The following SS18 variants were observed in gnomAD, a reference collection of about 807,000 sequenced individuals.
SS18 encodes the protein protein SSXT.
SS18 carries 28 observed loss-of-function variants against 72.5 expected under a neutral mutation model. The ratio of observed to expected loss-of-function variants is 0.39; its 90% CI spans 0.29 to 0.53. SS18 has a LOEUF of 0.53. Ranked by LOEUF, SS18 falls within the 20% of genes least tolerant of loss-of-function variation. SS18 has a pLI of 0.76. For synonymous variants in SS18, 172 were observed against 164.2 expected (o/e 1.05, Z -0.37); for missense variants, 518 against 535.3 (o/e 0.97, Z 0.32).
chr18:26,090,462 C>T, intron 1 of SS18, 39 bp downstream of exon 1: 1 of 1,544,542 alleles, frequency 6.5e-7, no homozygotes, highest in Non-Finnish European at 8.8e-7. Flanking sequence ...CTCCCAGAGG[C>T]GGTAAGGGCC....
Position 26,039,300 on chromosome 18 carries a change from G to T in SS18, c.764C>A (p.Pro255His). The change falls in exon 6 of 11, where the codon CCT becomes CAT. Residue 255 changes from proline to histidine, a missense_variant. Coordinates refer to ENST00000415083, the MANE Select transcript of SS18 (RefSeq NM_001007559.3). Reference sequence around the variant, plus strand: ...AAATGGAATCTTACCCTGTTGAGGAGGTCTATAGGGAGGAATCTGTCTCTG... The same window carrying T: ...AAATGGAATCTTACCCTGTTGAGGATGTCTATAGGGAGGAATCTGTCTCTG... ...MGQRQIPPYR[P>H]PQQGPPQQYS... 6.2e-6 allele frequency: 10 copies of T among 1,612,642 alleles called. No individual in the cohort carries two copies. Among genetic ancestry groups the T allele is most frequent in the Non-Finnish European group, 8.5e-6 (10 of 1,179,162 alleles).
intron 5 of SS18, among the ~76,000 whole-genome samples, chr18:26,043,655 T>C (rs2053768740): frequency 6.6e-6 from 1 of 152,142 alleles, no homozygotes; most frequent in African/African-American, 2.4e-5. Context: ...ACATCAAGAA[T>C]TTTTAGTAGT....
At chr18:26,041,178 T>A (rs1403552831) in intron 5 of SS18, among the ~76,000 whole-genome samples, 1 of 152,196 alleles carries the variant, frequency 6.6e-6, no homozygotes, top group African/African-American at 2.4e-5. Context: ...ATCCCAGCAC[T>A]TTGGGAGGCT....
Position 26,037,502 on chromosome 18 carries a change from A to T in SS18, c.880+1053T>A, listed in dbSNP as rs537827440. Among the ~76,000 whole-genome samples the T allele has an allele frequency of 3.4e-4, 52 of 152,276 alleles. No homozygotes were observed. The East Asian group carries it at 9.3e-3, about 27-fold the overall frequency. On this transcript the variant is annotated intron_variant, in intron 7 of 10. Coordinates refer to ENST00000415083, the MANE Select transcript of SS18 (RefSeq NM_001007559.3). ...TCTTAATACCATGTTTACATATGAAAAGAAAAAACAAAACAAAAACCAATG... is the reference window on the plus strand; with the variant it reads ...TCTTAATACCATGTTTACATATGAATAGAAAAAACAAAACAAAAACCAATG...
intron 10 of SS18, among the ~76,000 whole-genome samples, chr18:26,026,083 T>C (rs1254829203): frequency 6.6e-6 from 1 of 152,164 alleles, no homozygotes; most frequent in Non-Finnish European, 1.5e-5. Context: ...TTCACAGCAT[T>C]GTGAAGTCAA....
At chr18:26,087,621 A>T (rs779196769) in intron 1 of SS18, 44 bp from the exon 2 acceptor site, 2 of 1,146,212 alleles carry the variant, frequency 1.7e-6, no homozygotes, top group East Asian at 2.4e-5. Flanking sequence ...CTAGTGCATC[A>T]AGTAAAATAA....
At chr18:26,057,826 A>G (rs2054050833) in intron 3 of SS18, 84 bp from the exon 4 acceptor site, 1 of 1,316,238 alleles carries the variant, frequency 7.6e-7, no homozygotes, top group East Asian at 2.6e-5. Flanking sequence ...TTATGTTACT[A>G]AATTGCAGTA....
intron 7 of SS18, among the ~76,000 whole-genome samples, chr18:26,037,053 G>A (rs1485367715): frequency 4.6e-5 from 7 of 151,828 alleles, no homozygotes; most frequent in South Asian, 4.2e-4. Flanking sequence ...ATAAATATCC[G>A]GACATGAGAG....
At chr18:26,039,706 T>G (rs1026801785) in intron 5 of SS18, among the ~76,000 whole-genome samples, 1 of 152,212 alleles carries the variant, frequency 6.6e-6, no homozygotes, top group African/African-American at 2.4e-5. Context: ...TTAGTCATTT[T>G]TTAAAATAAA....
At chr18:26,058,300 T>A (rs1438136904) in intron 3 of SS18, among the ~76,000 whole-genome samples, 1 of 152,222 alleles carries the variant, frequency 6.6e-6, no homozygotes, top group African/African-American at 2.4e-5. Context: ...CAGAGACAGC[T>A]GCCTCAAAAG....
At chr18:26,032,629 A>G (rs2053563433) in intron 9 of SS18, 97 bp from the exon 10 acceptor site, 3 of 1,363,588 alleles carry the variant, frequency 2.2e-6, no homozygotes, top group Admixed American at 2.4e-5. Context: ...GTATTTTTCT[A>G]TCTAAGCTAA....
chr18:26,036,070 T>C, intron 7 of SS18, 147 bp from the exon 8 acceptor site: 1 of 668,194 alleles, frequency 1.5e-6, no homozygotes, highest in East Asian at 2.8e-5. Flanking sequence ...GCCAAAGATT[T>C]ACCAATGTGA....
chr18:26,028,516 C>T (rs1184026373), intron 10 of SS18, among the ~76,000 whole-genome samples: 2 of 152,190 alleles, frequency 1.3e-5, no homozygotes, highest in Non-Finnish European at 2.9e-5. Context: ...GTTCATAGTA[C>T]TGTGTCTGTA....
At chr18:26,077,144 T>C (rs537886251) in intron 3 of SS18, among the ~76,000 whole-genome samples, 21 of 152,130 alleles carry the variant, frequency 1.4e-4, no homozygotes, top group Non-Finnish European at 2.7e-4. Flanking sequence ...CATTAAGTGA[T>C]AGGTAGACAG....
chr18:26,078,043 T>C (rs375742796), intron 3 of SS18, 33 bp downstream of exon 3: 185 of 1,499,592 alleles, frequency 1.2e-4, no homozygotes, highest in African/African-American at 1.7e-4. Context: ...ACTATAAAGA[T>C]TGTCTACTTC....
chr18:26,089,445 T>C (rs1255639718), intron 1 of SS18, among the ~76,000 whole-genome samples: 1 of 152,220 alleles, frequency 6.6e-6, no homozygotes, highest in Non-Finnish European at 1.5e-5. Flanking sequence ...ACGAAGAACC[T>C]GACAGTAAAC....
chr18:26,026,071 T>C (rs2053440410), intron 10 of SS18, among the ~76,000 whole-genome samples: 1 of 152,178 alleles, frequency 6.6e-6, no homozygotes, highest in Non-Finnish European at 1.5e-5. Flanking sequence ...TACACATCAC[T>C]TTTCACAGCA....
intron 6 of SS18, among the ~76,000 whole-genome samples, chr18:26,038,978 T>A (rs1396658309): frequency 6.6e-6 from 1 of 151,892 alleles, no homozygotes; most frequent in African/African-American, 2.4e-5. Context: ...GATACTACAG[T>A]GCTGTGAAGT....
rs1266614931 is a variant in SS18, at chr18:26,055,758, T to TTG, written c.385+1830_385+1831insCA. 2.6e-3 allele frequency among the ~76,000 whole-genome samples: 386 copies of TTG among 145,962 alleles called. 3 individuals are homozygous for TTG. The highest frequency in any genetic ancestry group is 9.5e-3 in the African/African-American group (356 of 37,496). On this transcript the variant is annotated intron_variant, in intron 4 of 10. Coordinates refer to ENST00000415083, the MANE Select transcript of SS18 (RefSeq NM_001007559.3). Reference sequence around the variant, plus strand: ...TTAGGAGAAATTCTTTCTGTTTTTTTTTTTTTTGTTTTTTTTTTTTGATGG... The same window carrying TTG: ...TTAGGAGAAATTCTTTCTGTTTTTTTTGTTTTTTTGTTTTTTTTTTTTGATGG...
Sources: gnomAD v4.1 joint callset for allele counts (sites outside exome capture counted in the v4.1 genomes callset) on GRCh38, gnomAD v4.1.1 for gene constraint, MANE v1.5 for transcripts, NCBI Gene and HGNC (gene_info 2026-07-23, HGNC 2026-07-21) for gene names.